ZNF610: variants seen among roughly 807,000 people sequenced by gnomAD.
ZNF610 encodes the protein zinc finger protein 610.
ZNF610 carries 14 observed loss-of-function variants against 14.1 expected under a neutral mutation model. That is an observed-to-expected ratio of 0.99 (90% CI 0.65 to 1.55). The LOEUF (loss-of-function observed/expected upper bound fraction) is 1.55, where lower values mean the gene tolerates loss of function less well. Ranked by LOEUF, ZNF610 falls within the 40% of genes most tolerant of loss-of-function variation. ZNF610 has a pLI of 0.00. For synonymous variants in ZNF610, 185 were observed against 187.6 expected (o/e 0.99, Z 0.11); for missense variants, 530 against 558.0 (o/e 0.95, Z 0.51).
chr19:52,361,880 T>TA (rs1203212562), intron 5 of ZNF610, among the ~76,000 whole-genome samples: 4 of 152,212 alleles, frequency 2.6e-5, no homozygotes, highest in Admixed American at 6.5e-5. Flanking sequence ...TGGTTTTTTT[T>TA]ATACTTCATT....
upstream of ZNF610, among the ~76,000 whole-genome samples, chr19:52,333,506 T>C (rs1247502344): frequency 6.6e-6 from 1 of 152,212 alleles, no homozygotes; most frequent in Non-Finnish European, 1.5e-5. Context: ...CAGGCTATGA[T>C]TCTCTGCTAA....
upstream of ZNF610, among the ~76,000 whole-genome samples, chr19:52,334,949 A>ACACACACACACACACACACACACACACC (rs1984303534): frequency 6.6e-6 from 1 of 151,146 alleles, no homozygotes. Context: ...ACACACACAC[A>ACACACACACACACACACACACACACACC]CACACACACA....
chr19:52,354,026 C>T (rs1985397200), intron 4 of ZNF610, among the ~76,000 whole-genome samples: 1 of 152,148 alleles, frequency 6.6e-6, no homozygotes, highest in African/African-American at 2.4e-5. Flanking sequence ...ACCGGATAAC[C>T]AGTTCTCTGT....
In ZNF610 at chr19:52,365,732, C is replaced by T. The variant is rs141833193; in HGVS notation, c.354C>T (p.Asn118=). 1.2e-6 allele frequency: 2 copies of T among 1,611,550 alleles called. No individual in the cohort carries two copies. The highest frequency in any genetic ancestry group is 1.7e-6 in the Non-Finnish European group (2 of 1,179,302). Residue 118 remains asparagine, a synonymous_variant, in exon 6 of 6, where the codon AAC becomes AAT. Transcript: ENST00000403906. ...RSCVLGSNAE[N]KPIKNQLGLT... is the part of the protein sequence containing the mutation. ...GTGTATTGGGAAGCAATGCAGAAAACAAGCCTATTAAAAATCAACTTGGAT... is the reference window on the plus strand; with the variant it reads ...GTGTATTGGGAAGCAATGCAGAAAATAAGCCTATTAAAAATCAACTTGGAT...
Position 52,365,685 on chromosome 19 carries a change from T to C in ZNF610, c.320-13T>C, listed in dbSNP as rs1985986420. On this transcript the variant is annotated splice_polypyrimidine_tract_variant and intron_variant, in intron 5 of 5. Transcript: ENST00000403906. ...AATCATGGGTTCATGTTCTACTCTTTCTTCTTTTCTAGGGAGGAGCTGTGT... is the reference window on the plus strand; with the variant it reads ...AATCATGGGTTCATGTTCTACTCTTCCTTCTTTTCTAGGGAGGAGCTGTGT... The C allele has an allele frequency of 1.3e-6, 2 of 1,584,264 alleles. No individual in the cohort carries two copies.
At chr19:52,347,056 G>A (rs930379644) in intron 1 of ZNF610, 1 of 152,152 alleles carries the variant, frequency 6.6e-6, no homozygotes, top group African/African-American at 2.4e-5. Context: ...TCACACCACA[G>A]ACATATTTCT....
intron 5 of ZNF610, among the ~76,000 whole-genome samples, chr19:52,359,254 C>T (rs949319653): frequency 1.3e-5 from 2 of 152,226 alleles, no homozygotes; most frequent in East Asian, 1.9e-4. Context: ...TTAAGACTTA[C>T]AATCCATAAA....
intron 1 of ZNF610, among the ~76,000 whole-genome samples, chr19:52,343,064 G>C (rs935156475): frequency 2.0e-5 from 3 of 151,942 alleles, no homozygotes; most frequent in African/African-American, 7.3e-5. Flanking sequence ...CTCTGCTGGG[G>C]CATCCACAGG....
At chr19:52,344,269 C>T (rs1984829077) in intron 1 of ZNF610, 1 of 152,236 alleles carries the variant, frequency 6.6e-6, no homozygotes, top group African/African-American at 2.4e-5. Context: ...TGACAAACAC[C>T]CTTCCTTCCC....
At position 52,366,058 on chromosome 19, in the gene ZNF610, C is replaced by G. The variant is rs1424217291; in HGVS notation, c.680C>G (p.Thr227Ser). 2.5e-6 allele frequency: 4 copies of G among 1,614,122 alleles called. No homozygotes were observed. In the South Asian group the frequency reaches 4.4e-5, roughly 18 times the overall value. ...CTTACTAACCATCAAGTAATCCATA[C>G]TGCAGAGAAACCTTACAAATGTACT... The part of the protein sequence containing the change: ...ASLTNHQVIH[T>S]AEKPYKCTEC... Residue 227 changes from threonine (T) to serine (S), a missense_variant, in exon 6 of 6, where the codon ACT becomes AGT. Physicochemically the swap from Thr to Ser is moderately conservative, Grantham distance 58. Coordinates refer to ENST00000403906, the MANE Select transcript of ZNF610 (RefSeq NM_001161425.2).
chr19:52,340,753 T>C (rs1302486857), intron 1 of ZNF610, among the ~76,000 whole-genome samples: 3 of 151,878 alleles, frequency 2.0e-5, no homozygotes, highest in African/African-American at 7.3e-5. Flanking sequence ...CAATCTCCAC[T>C]CACTACAACC....
intron 5 of ZNF610, among the ~76,000 whole-genome samples, chr19:52,355,692 C>T (rs923676066): frequency 2.6e-5 from 4 of 152,224 alleles, no homozygotes; most frequent in African/African-American, 9.6e-5. Context: ...TGGGTTCCCT[C>T]GACTCCCTTC....
At chr19:52,337,190 G>C (rs1459432552) in intron 1 of ZNF610, among the ~76,000 whole-genome samples, 1 of 152,074 alleles carries the variant, frequency 6.6e-6, no homozygotes. Context: ...GAGTAGGGGA[G>C]AGGAGGAGGG....
intron 1 of ZNF610, among the ~76,000 whole-genome samples, chr19:52,344,492 C>A (rs1240290859): frequency 1.3e-5 from 2 of 152,174 alleles, no homozygotes; most frequent in African/African-American, 2.4e-5. Flanking sequence ...GCTGGCTCAA[C>A]CCCTCTGAGT....
chr19:52,366,006 G>A lies in ZNF610; in HGVS notation c.628G>A (p.Gly210Ser), dbSNP rs1986015363. Residue 210 changes from glycine to serine, a missense_variant, in exon 6 of 6, where the codon GGT becomes AGT. By Grantham distance (56) the Gly-to-Ser change is moderately conservative. Coordinates refer to ENST00000403906, the MANE Select transcript of ZNF610 (RefSeq NM_001161425.2). ...KSYEYECSED[G>S]EVFRVRASLT... ...TTATGAATATGAATGTAGTGAAGAT[G>A]GTGAAGTTTTTAGAGTCCGTGCAAG... The A allele has an allele frequency of 1.2e-6, 2 of 1,614,068 alleles. No homozygotes were observed. The highest frequency in any genetic ancestry group is 4.5e-5 in the East Asian group (2 of 44,874).
chr19:52,335,308 AAC>A (rs1395151110), upstream of ZNF610, among the ~76,000 whole-genome samples: 1 of 152,162 alleles, frequency 6.6e-6, no homozygotes, highest in African/African-American at 2.4e-5. Context: ...GTGGTGGCCT[AAC>A]ATCCCTCCGG....
intron 3 of ZNF610, among the ~76,000 whole-genome samples, chr19:52,353,157 C>T (rs1260473445): frequency 6.6e-6 from 1 of 152,206 alleles, no homozygotes; most frequent in African/African-American, 2.4e-5. Flanking sequence ...CCAGGCTCGT[C>T]TCAAACTCCT....
intron 1 of ZNF610, among the ~76,000 whole-genome samples, chr19:52,341,194 T>C (rs950631262): frequency 2.0e-5 from 3 of 152,234 alleles, no homozygotes; most frequent in African/African-American, 7.2e-5. Flanking sequence ...TATTCTCTCT[T>C]CAATTCTTGC....
At position 52,336,305 on chromosome 19, in the gene ZNF610, T is replaced by C. The variant is rs771991670; in HGVS notation, c.-459T>C. On this transcript the variant is annotated 5_prime_UTR_variant, in exon 1 of 6. Coordinates refer to ENST00000403906, the MANE Select transcript of ZNF610 (RefSeq NM_001161425.2). ...ACCGCAGCGCGTCAGTTTCCCTTTG[T>C]TTAGATTCAATCTGGGCTTCCCAGC... 46 of 291,156 alleles carry C rather than the reference T, an allele frequency of 1.6e-4. No individual in the cohort carries two copies. The highest frequency in any genetic ancestry group is 1.5e-3 in the Admixed American group (27 of 18,246). The allele number at this position is 291,156 out of a possible 1,614,324, so 18.0% of individuals were successfully genotyped here.
Sources: allele counts gnomAD v4.1 joint callset (sites outside exome capture counted in the v4.1 genomes callset), GRCh38; gene constraint gnomAD v4.1.1; transcripts MANE v1.5; gene names NCBI Gene and HGNC (gene_info 2026-07-23, HGNC 2026-07-21).